The following CADM2 variants were observed in gnomAD, a reference collection of about 807,000 sequenced individuals.
CADM2 encodes the protein immunoglobulin superfamily member 4D.
CADM2 carries 12 observed loss-of-function variants against 49.8 expected under a neutral mutation model. That is an observed-to-expected ratio of 0.24 (90% CI 0.15 to 0.39). The LOEUF is 0.39. Among genes scored for constraint, CADM2 ranks in the 10% least tolerant of loss-of-function variants. The pLI is 1.00. For missense variants in CADM2, 378 were observed against 492.3 expected, an observed-to-expected ratio of 0.77 and a Z score of 2.20; for synonymous variants, 214 against 175.4, an observed-to-expected ratio of 1.22 and a Z score of -1.74.
intron 1 of CADM2, among the ~76,000 whole-genome samples, chr3:85,232,200 T>C (rs1033351382): frequency 2.2e-4 from 34 of 151,650 alleles, no homozygotes; most frequent in Admixed American, 2.1e-3. Context: ...TGAAATGTTC[T>C]CTTATTGGTC....
At chr3:85,863,990 G>A (rs1027142990) in intron 3 of CADM2, among the ~76,000 whole-genome samples, 2 of 152,126 alleles carry the variant, frequency 1.3e-5, no homozygotes, top group African/African-American at 4.8e-5. Context: ...GCGTGTATTG[G>A]TTATGAAAAC....
At chr3:85,582,463 G>A (rs1056093735) in intron 1 of CADM2, among the ~76,000 whole-genome samples, 2 of 152,152 alleles carry the variant, frequency 1.3e-5, no homozygotes, top group Admixed American at 6.5e-5. Flanking sequence ...CTTAGTTAGC[G>A]CAGGCTGCCA....
At chr3:85,781,493 T>C (rs1025936680) in intron 2 of CADM2, among the ~76,000 whole-genome samples, 3 of 152,200 alleles carry the variant, frequency 2.0e-5, no homozygotes, top group African/African-American at 7.2e-5. Flanking sequence ...TACTTTATTT[T>C]ATTTGTTACC....
chr3:85,328,268 G>A (rs1393220742), intron 1 of CADM2, among the ~76,000 whole-genome samples: 2 of 152,112 alleles, frequency 1.3e-5, no homozygotes, highest in Admixed American at 1.3e-4. Context: ...AACCTTAAGA[G>A]CTTTTAAACA....
intron 1 of CADM2, among the ~76,000 whole-genome samples, chr3:85,546,630 A>G (rs1295065604): frequency 1.3e-5 from 2 of 152,180 alleles, no homozygotes; most frequent in African/African-American, 4.8e-5. Flanking sequence ...TGGAAGTGGT[A>G]GTAAATTGAG....
chr3:86,031,108 G>T (rs1163891432), intron 8 of CADM2, among the ~76,000 whole-genome samples: 5 of 151,744 alleles, frequency 3.3e-5, no homozygotes, highest in African/African-American at 9.7e-5. Flanking sequence ...ACTTAGGAAG[G>T]TTCAATAGCA....
intron 2 of CADM2, among the ~76,000 whole-genome samples, chr3:85,764,631 G>T (rs936074561): frequency 6.6e-6 from 1 of 152,016 alleles, no homozygotes; most frequent in Non-Finnish European, 1.5e-5. Flanking sequence ...ATGTTATTCA[G>T]TTCCAAATTC....
At chr3:85,421,337 T>C (rs1417393144) in intron 1 of CADM2, among the ~76,000 whole-genome samples, 1 of 152,302 alleles carries the variant, frequency 6.6e-6, no homozygotes, top group East Asian at 1.9e-4. Flanking sequence ...TGTATTTCTG[T>C]ATACAAGTGT....
intron 1 of CADM2, among the ~76,000 whole-genome samples, chr3:85,575,487 C>G (rs1392756654): frequency 1.3e-5 from 2 of 152,144 alleles, no homozygotes; most frequent in Non-Finnish European, 2.9e-5. Context: ...GGAGGCGAAG[C>G]TTGCAGTGAG....
At chr3:85,977,668 T>A (rs956300024) in intron 8 of CADM2, among the ~76,000 whole-genome samples, 1 of 151,622 alleles carries the variant, frequency 6.6e-6, no homozygotes, top group African/African-American at 2.4e-5. Flanking sequence ...ATATACATAA[T>A]CTTTCTTCAT....
At chr3:85,146,327 C>A (rs2039739619) in intron 1 of CADM2, among the ~76,000 whole-genome samples, 1 of 151,892 alleles carries the variant, frequency 6.6e-6, no homozygotes, top group South Asian at 2.1e-4. Flanking sequence ...TGTGGTGACT[C>A]TTGTTGATGA....
chr3:85,079,932 A>G (rs2037100091), intron 1 of CADM2, among the ~76,000 whole-genome samples: 2 of 151,968 alleles, frequency 1.3e-5, no homozygotes, highest in African/African-American at 4.8e-5. Flanking sequence ...TGAAGGATGT[A>G]CTATCACATT....
At chr3:85,567,963 C>T (rs1254227376) in intron 1 of CADM2, among the ~76,000 whole-genome samples, 2 of 152,154 alleles carry the variant, frequency 1.3e-5, no homozygotes, top group Non-Finnish European at 2.9e-5. Context: ...AGGGAGCTCT[C>T]CCCCTTTTTG....
intron 2 of CADM2, among the ~76,000 whole-genome samples, chr3:85,777,232 T>C (rs2070400876): frequency 6.6e-6 from 1 of 150,808 alleles, no homozygotes; most frequent in South Asian, 2.1e-4. Context: ...ACATTTGCTA[T>C]GGTTTTTAAA....
At chr3:85,714,474 T>TGGAGTG (rs2067218525) in intron 1 of CADM2, among the ~76,000 whole-genome samples, 1 of 152,142 alleles carries the variant, frequency 6.6e-6, no homozygotes, top group Non-Finnish European at 1.5e-5. Flanking sequence ...TCACCCAGGC[T>TGGAGTG]GGAGTGCAGT....
intron 1 of CADM2, among the ~76,000 whole-genome samples, chr3:85,064,502 G>A (rs146849167): frequency 1.8e-4 from 28 of 152,014 alleles, no homozygotes; most frequent in East Asian, 7.7e-4. Flanking sequence ...AGAAACTTTC[G>A]GATGTTTTAC....
At chr3:85,814,961 T>TA (rs1242741483) in intron 3 of CADM2, among the ~76,000 whole-genome samples, 1 of 151,922 alleles carries the variant, frequency 6.6e-6, no homozygotes, top group Non-Finnish European at 1.5e-5. Flanking sequence ...GAGAATACTA[T>TA]AAACACCTCT....
intron 1 of CADM2, among the ~76,000 whole-genome samples, chr3:84,969,131 T>C (rs985388560): frequency 2.6e-5 from 4 of 152,008 alleles, no homozygotes; most frequent in Non-Finnish European, 5.9e-5. Flanking sequence ...TTTGTCTTAA[T>C]TGTACCCTTT....
chr3:85,965,223 G>A (rs1725326550), intron 8 of CADM2, among the ~76,000 whole-genome samples: 1 of 149,564 alleles, frequency 6.7e-6, no homozygotes, highest in African/African-American at 2.4e-5. Context: ...CAACTGTATG[G>A]AATGTTTAAA....
Sources: allele counts gnomAD v4.1 joint callset (sites outside exome capture counted in the v4.1 genomes callset), GRCh38; gene constraint gnomAD v4.1.1; transcripts MANE v1.5; gene names NCBI Gene and HGNC (gene_info 2026-07-23, HGNC 2026-07-21).